The following GABRG3 variants were observed in gnomAD, a reference collection of about 807,000 sequenced individuals.
GABRG3 encodes the protein gamma-aminobutyric acid type A receptor subunit gamma3.
A neutral mutation model predicts 48.8 loss-of-function variants in GABRG3; 25 were observed. The observed-to-expected ratio is 0.51, with a 90% CI of 0.37 to 0.72. The LOEUF is 0.72. Among genes scored for constraint, GABRG3 ranks in the 30% least tolerant of loss-of-function variants. The pLI, the probability that GABRG3 is intolerant of heterozygous loss-of-function variation, is 0.00. For synonymous variants in GABRG3, 227 were observed against 217.6 expected (o/e 1.04, Z -0.38); for missense variants, 394 against 577.9 (o/e 0.68, Z 3.26).
chr15:27,446,622 T>C (rs1595759944), intron 5 of GABRG3, among the ~76,000 whole-genome samples: 1 of 152,356 alleles, frequency 6.6e-6, no homozygotes, highest in East Asian at 1.9e-4. Flanking sequence ...TAATCTTATG[T>C]ATTTTATTCT....
chr15:27,311,865 A>G (rs1893005220), intron 3 of GABRG3, among the ~76,000 whole-genome samples: 3 of 152,234 alleles, frequency 2.0e-5, no homozygotes, highest in Admixed American at 2.0e-4. Flanking sequence ...TTTGTATGAG[A>G]CTAGTCTGTG....
At chr15:27,408,209 T>G (rs917197955) in intron 5 of GABRG3, among the ~76,000 whole-genome samples, 4 of 152,120 alleles carry the variant, frequency 2.6e-5, no homozygotes, top group Non-Finnish European at 5.9e-5. Context: ...CACTGGAAAA[T>G]TATTAAATGC....
chr15:27,001,888 G>GTTTTTTTTTTTTTTTTTTTTTTTT (rs60516105), intron 2 of GABRG3, among the ~76,000 whole-genome samples: 1 of 121,228 alleles, frequency 8.2e-6, no homozygotes, highest in African/African-American at 3.2e-5. Context: ...CCATAACTCA[G>GTTTTTTTTTTTTTTTTTTTTTTTT]TTTTTTTTTT....
At chr15:27,239,399 A>G (rs1330409081) in intron 3 of GABRG3, among the ~76,000 whole-genome samples, 4 of 152,226 alleles carry the variant, frequency 2.6e-5, no homozygotes, top group Admixed American at 2.6e-4. Context: ...TCTGACAATC[A>G]CAGAAGAATA....
chr15:27,242,868 A>T (rs1002690934), intron 3 of GABRG3, among the ~76,000 whole-genome samples: 1 of 152,254 alleles, frequency 6.6e-6, no homozygotes, highest in Non-Finnish European at 1.5e-5. Context: ...TCTCAGAGAG[A>T]TTGGCACATA....
chr15:27,421,337 T>C (rs534602060), intron 5 of GABRG3, among the ~76,000 whole-genome samples: 1 of 152,366 alleles, frequency 6.6e-6, no homozygotes, highest in African/African-American at 2.4e-5. Flanking sequence ...GAAAACACTG[T>C]GGAAGAGAAA....
At chr15:27,193,769 C>G (rs866985689) in intron 3 of GABRG3, among the ~76,000 whole-genome samples, 1 of 152,154 alleles carries the variant, frequency 6.6e-6, no homozygotes, top group Middle Eastern at 3.2e-3. Context: ...GAGATGAACC[C>G]GGTACCTCAG....
intron 3 of GABRG3, among the ~76,000 whole-genome samples, chr15:27,197,647 G>C (rs1396447569): frequency 6.6e-6 from 1 of 152,022 alleles, no homozygotes; most frequent in Non-Finnish European, 1.5e-5. Flanking sequence ...AAAGAATTAA[G>C]GATAAATATT....
chr15:27,405,747 C>T (rs1421618188), intron 5 of GABRG3, among the ~76,000 whole-genome samples: 2 of 151,916 alleles, frequency 1.3e-5, no homozygotes, highest in South Asian at 2.1e-4. Context: ...GCGGCAACAG[C>T]CCAGTAGCAA....
rs558882567 is a variant in GABRG3, at chr15:27,453,187, C to T, written c.575-27463C>T. Among the ~76,000 whole-genome samples the T allele has an allele frequency of 8.5e-5, 13 of 152,162 alleles. No homozygotes were observed. The East Asian group carries it at 1.2e-3, about 14-fold the overall frequency. ...CAAACTGTACAAAACTTCAGTTATG[C>T]GGGGTTAGTTCTGAGATGTAATGTA... On this transcript the variant is annotated intron_variant, in intron 5 of 9. Coordinates refer to ENST00000615808, the MANE Select transcript of GABRG3 (RefSeq NM_033223.5).
intron 5 of GABRG3, among the ~76,000 whole-genome samples, chr15:27,386,776 G>T (rs2140568443): frequency 6.6e-6 from 1 of 152,204 alleles, no homozygotes. Flanking sequence ...TTTTCAATTT[G>T]TTGTGTGTCC....
At position 27,217,870 on chromosome 15, in the gene GABRG3, C is replaced by T. The variant is rs372836536; in HGVS notation, c.271-108939C>T. Among the ~76,000 whole-genome samples the T allele has an allele frequency of 9.2e-5, 14 of 152,278 alleles. No homozygotes were observed. The South Asian group carries it at 1.0e-3, about 11-fold the overall frequency. ...CACAGGTGCCTTCTTCCCAGCGGGA[C>T]GGCTGTCCTGCCTCTCCCTGAGCTG... On this transcript the variant is annotated intron_variant, in intron 3 of 9. Coordinates refer to ENST00000615808, the MANE Select transcript of GABRG3 (RefSeq NM_033223.5).
intron 3 of GABRG3, among the ~76,000 whole-genome samples, chr15:27,167,428 C>T (rs972374462): frequency 5.3e-5 from 8 of 152,164 alleles, no homozygotes; most frequent in African/African-American, 1.4e-4. Context: ...AAATTAAAAC[C>T]AAGATGTCCT....
intron 3 of GABRG3, chr15:27,027,055 TG>T: frequency 2.4e-6 from 1 of 424,096 alleles, no homozygotes. Flanking sequence ...CCAAGAGACC[TG>T]TCTTTTATAG....
At chr15:27,256,500 G>A (rs149202217) in intron 3 of GABRG3, among the ~76,000 whole-genome samples, 3 of 150,492 alleles carry the variant, frequency 2.0e-5, no homozygotes, top group Middle Eastern at 3.4e-3. Flanking sequence ...GGGTAGGGGG[G>A]GCGGGGAGAA....
chr15:27,518,195 C>CAAAAAAAAAAAAAAAAAAAAAAAAAAAAA (rs58222645), intron 6 of GABRG3, among the ~76,000 whole-genome samples: 10 of 88,026 alleles, frequency 1.1e-4, no homozygotes, highest in African/African-American at 4.3e-4. Flanking sequence ...ACTAAAAATA[C>CAAAAAAAAAAAAAAAAAAAAAAAAAAAAA]AAAAAAAAAA....
intron 3 of GABRG3, among the ~76,000 whole-genome samples, chr15:27,169,534 C>T (rs749463585): frequency 2.6e-5 from 4 of 152,128 alleles, no homozygotes; most frequent in South Asian, 4.2e-4. Flanking sequence ...GAGGGGAGGC[C>T]GTGGTGATGG....
chr15:27,500,859 C>A (rs536827719), intron 6 of GABRG3, among the ~76,000 whole-genome samples: 3 of 150,558 alleles, frequency 2.0e-5, no homozygotes, highest in African/African-American at 7.3e-5. Flanking sequence ...AAAAATTAAT[C>A]CAGGAATCTT....
At chr15:27,523,609 G>A (rs1291136496) in intron 7 of GABRG3, among the ~76,000 whole-genome samples, 5 of 151,778 alleles carry the variant, frequency 3.3e-5, no homozygotes, top group African/African-American at 4.8e-5. Context: ...TTCAATGAGC[G>A]AATGCACACA....
Sources: gnomAD v4.1 joint callset for allele counts (sites outside exome capture counted in the v4.1 genomes callset) on GRCh38, gnomAD v4.1.1 for gene constraint, MANE v1.5 for transcripts, NCBI Gene and HGNC (gene_info 2026-07-23, HGNC 2026-07-21) for gene names.